Variants in LRP2 observed in about 807,000 individuals in gnomAD.
LRP2 encodes LDL receptor related protein 2.
LRP2 carries 172 observed loss-of-function variants against 531.0 expected under a neutral mutation model. That is an observed-to-expected ratio of 0.32 (90% CI 0.29 to 0.37). LRP2 has a LOEUF of 0.37. LRP2 is among the 10% of genes least tolerant of loss of function. The pLI is 1.00. For synonymous variants in LRP2, 1,992 were observed against 2,027.6 expected (o/e 0.98, Z 0.47); for missense variants, 5,167 against 5,868.3 (o/e 0.88, Z 3.90).
chr2:169,357,289 T>TTTTTATTTTATTTTA (rs148875655), intron 1 of LRP2, among the ~76,000 whole-genome samples: 72 of 116,994 alleles, frequency 6.2e-4, no homozygotes, highest in African/African-American at 1.7e-3. Flanking sequence ...TTTTTATTTA[T>TTTTTATTTTATTTTA]TTTTATTTTA....
intron 41 of LRP2, 65 bp from the exon 42 acceptor site, chr2:169,204,336 G>C (rs956881293): frequency 2.8e-6 from 4 of 1,442,482 alleles, no homozygotes; most frequent in Non-Finnish European, 3.9e-6. Context: ...TCAACTGGCA[G>C]CCCAATGCAT....
chr2:169,148,532 G>C (rs1259221907), intron 68 of LRP2, among the ~76,000 whole-genome samples: 2 of 152,128 alleles, frequency 1.3e-5, no homozygotes, highest in African/African-American at 4.8e-5. Flanking sequence ...AGAAGGCTGA[G>C]GCAGGGGACT....
intron 1 of LRP2, among the ~76,000 whole-genome samples, chr2:169,324,384 A>G (rs980134624): frequency 1.3e-5 from 2 of 152,154 alleles, no homozygotes; most frequent in African/African-American, 4.8e-5. Context: ...GCTGCTCTCA[A>G]TTAACATTAA....
In LRP2 at chr2:169,294,597, T is replaced by TAA. The variant is rs1436617639; in HGVS notation, c.538+2_538+3insTT. On this transcript the variant is annotated splice_region_variant and intron_variant, in intron 5 of 78. Coordinates refer to ENST00000649046, the MANE Select transcript of LRP2 (RefSeq NM_004525.3). ...AACTGCACATCTTGTGCACAATACT[T>TAA]ACTGCAGTTGATTTCATCTGAGGAG... is the stretch of plus-strand genomic sequence containing the variant. 15 of 1,599,798 alleles carry TAA rather than the reference T, an allele frequency of 9.4e-6. No homozygotes were observed. The highest frequency in any genetic ancestry group is 1.3e-5 in the Non-Finnish European group (15 of 1,167,164).
intron 4 of LRP2, among the ~76,000 whole-genome samples, chr2:169,298,375 G>A (rs554853175): frequency 6.6e-6 from 1 of 152,170 alleles, no homozygotes; most frequent in African/African-American, 2.4e-5. Flanking sequence ...GCATTAAGAG[G>A]TTAAGGAATT....
At chr2:169,177,695 A>G in intron 53 of LRP2, 108 bp downstream of exon 53, 1 of 941,184 alleles carries the variant, frequency 1.1e-6, no homozygotes. Flanking sequence ...AGAAAACACT[A>G]ACAAGTGCAA....
intron 9 of LRP2, among the ~76,000 whole-genome samples, chr2:169,286,272 T>C (rs923338598): frequency 9.2e-5 from 14 of 152,240 alleles, no homozygotes; most frequent in Admixed American, 7.8e-4. Context: ...CCCTCAAATG[T>C]AGACTTTTGA....
In LRP2 at chr2:169,320,160, G is replaced by A. The variant is rs181816874; in HGVS notation, c.187+617C>T. ...TCTCCGAGTCTCAATTTACTAATCT[G>A]AAACCGACCTCAGAAGATTAGTGAG... On this transcript the variant is annotated intron_variant, in intron 2 of 78. Coordinates refer to ENST00000649046, the MANE Select transcript of LRP2 (RefSeq NM_004525.3). 2.1e-4 allele frequency among the ~76,000 whole-genome samples: 32 copies of A among 152,292 alleles called. 1 individual carries two copies. Among genetic ancestry groups the A allele is most frequent in the African/African-American group, 6.7e-4 (28 of 41,564 alleles).
chr2:169,156,382 C>A lies in LRP2; in HGVS notation c.12043G>T (p.Gly4015Trp). 1 of 1,613,534 alleles carries A rather than the reference C, an allele frequency of 6.2e-7. No individual in the cohort carries two copies. Among genetic ancestry groups the A allele is most frequent in the Non-Finnish European group, 8.5e-7 (1 of 1,179,600 alleles). ...CLDINECEQF[G>W]TCPQHCRNTK... ...TTTCTGCAGTGCTGGGGACAAGTCC[C>A]AAATTGTTCACATTCATTGATATCT... The change falls in exon 65 of 79, where the codon GGG becomes TGG. Residue 4015 changes from glycine to tryptophan, a missense_variant. Physicochemically the swap from Gly to Trp is radical, Grantham distance 184. This residue lies in a region of LRP2 where 564 missense variants were observed against 747.7 expected (regional missense o/e 0.75). Coordinates refer to ENST00000649046, the MANE Select transcript of LRP2 (RefSeq NM_004525.3).
chr2:169,151,730 C>G (rs1056777917), intron 67 of LRP2, among the ~76,000 whole-genome samples: 1 of 152,176 alleles, frequency 6.6e-6, no homozygotes, highest in Admixed American at 6.5e-5. Context: ...AAACTTCAAA[C>G]AAGAAGACAG....
chr2:169,295,142 A>G (rs1684103932), intron 4 of LRP2, among the ~76,000 whole-genome samples: 1 of 152,230 alleles, frequency 6.6e-6, no homozygotes, highest in South Asian at 2.1e-4. Context: ...AGCTTGGAAA[A>G]AAGAAAGGCC....
At chr2:169,166,961 A>C (rs1686809688) in intron 61 of LRP2, among the ~76,000 whole-genome samples, 1 of 152,206 alleles carries the variant, frequency 6.6e-6, no homozygotes. Context: ...GGTTGAGGGG[A>C]AAGGGTCAGA....
At chr2:169,354,132 A>G (rs1685928608) in intron 1 of LRP2, among the ~76,000 whole-genome samples, 1 of 152,232 alleles carries the variant, frequency 6.6e-6, no homozygotes, top group Non-Finnish European at 1.5e-5. Context: ...AGTATAAGAC[A>G]GAATATTTTT....
At chr2:169,170,775 C>T in intron 58 of LRP2, 108 bp from the exon 59 acceptor site, 2 of 807,930 alleles carry the variant, frequency 2.5e-6, no homozygotes, top group Non-Finnish European at 4.4e-6. Context: ...TCCTGTGTCC[C>T]AAGCCCCAGA....
intron 76 of LRP2, 56 bp downstream of exon 76, chr2:169,137,336 T>C (rs1396062832): frequency 1.3e-5 from 16 of 1,215,134 alleles, no homozygotes; most frequent in South Asian, 4.8e-5. Context: ...CATGACTCAA[T>C]AGATTAAGAT....
At chr2:169,361,512 A>G (rs1435358481) in intron 1 of LRP2, among the ~76,000 whole-genome samples, 1 of 150,546 alleles carries the variant, frequency 6.6e-6, no homozygotes. Context: ...CCTTCTTACT[A>G]GTTTTATTCT....
chr2:169,199,545 T>A (rs992764318), intron 44 of LRP2, among the ~76,000 whole-genome samples: 1 of 152,240 alleles, frequency 6.6e-6, no homozygotes, highest in Admixed American at 6.5e-5. Context: ...CACCTCGTCA[T>A]GTAGTTTTAA....
intron 49 of LRP2, among the ~76,000 whole-genome samples, chr2:169,186,512 C>G (rs536124136): frequency 6.6e-6 from 1 of 152,326 alleles, no homozygotes; most frequent in South Asian, 2.1e-4. Flanking sequence ...CATGGGCAAC[C>G]TCACCCAAAA....
At chr2:169,208,061 C>T (rs1688458402) in intron 38 of LRP2, among the ~76,000 whole-genome samples, 1 of 152,182 alleles carries the variant, frequency 6.6e-6, no homozygotes, top group South Asian at 2.1e-4. Flanking sequence ...TGCATTTGCT[C>T]ATTTCCAATC....
Sources: gnomAD v4.1 joint callset for allele counts (sites outside exome capture counted in the v4.1 genomes callset) on GRCh38, gnomAD v4.1.1 for gene constraint, gnomAD v4.1.1 regional missense constraint, MANE v1.5 for transcripts, NCBI Gene and HGNC (gene_info 2026-07-23, HGNC 2026-07-21) for gene names.